The following SYNJ2 variants were observed in gnomAD, a reference collection of about 807,000 sequenced individuals.
The protein encoded by SYNJ2 is synaptojanin 2.
A neutral mutation model predicts 141.3 loss-of-function variants in SYNJ2; 116 were observed. The observed-to-expected ratio is 0.82, with a 90% CI of 0.71 to 0.96. The LOEUF is 0.96. Among genes scored for constraint, SYNJ2 ranks in the 40% least tolerant of loss-of-function variants. The pLI, the probability that SYNJ2 is intolerant of heterozygous loss-of-function variation, is 0.00. For synonymous variants in SYNJ2, 745 were observed against 777.7 expected (o/e 0.96, Z 0.70); for missense variants, 1,873 against 1,934.8 (o/e 0.97, Z 0.60).
chr6:158,093,444 A>C (rs1983872), intron 26 of SYNJ2, among the ~76,000 whole-genome samples: 78,730 of 149,772 alleles, frequency 0.53, 21,027 homozygotes, highest in African/African-American at 0.6. Flanking sequence ...TCAAAAAAAA[A>C]AAAAACAAAA....
rs776559046 is a variant in SYNJ2, at chr6:158,086,989, A to G, written c.3343A>G (p.Thr1115Ala). Residue 1115 changes from threonine to alanine, a missense_variant and splice_region_variant, in exon 23 of 27, where the codon ACC (threonine) becomes GCC (alanine). Transcript: ENST00000355585. Reference sequence around the variant, plus strand: ...ACCCCCGCAGAGACCCCCCCCTCCAAGTAAGACTCTGCTTGCTTTCAGCTC... The same window carrying G: ...ACCCCCGCAGAGACCCCCCCCTCCAGGTAAGACTCTGCTTGCTTTCAGCTC... The part of the protein sequence containing the change: ...PQPPQRPPPP[T>A]GLMVKKSASD... 8.4e-7 allele frequency: 1 copy of G among 1,187,772 alleles called. No individual in the cohort carries two copies. Among genetic ancestry groups the G allele is most frequent in the Non-Finnish European group, 1.1e-6 (1 of 873,646 alleles). 73.6% of individuals were successfully genotyped at this position (1,187,772 alleles called of 1,614,324 possible).
At chr6:158,025,449 G>A (rs1035456060) in intron 2 of SYNJ2, among the ~76,000 whole-genome samples, 13 of 151,770 alleles carry the variant, frequency 8.6e-5, no homozygotes, top group Non-Finnish European at 1.6e-4. Flanking sequence ...GCTGAGGCAG[G>A]TGAATCACCT....
intron 1 of SYNJ2, among the ~76,000 whole-genome samples, chr6:157,993,819 T>G (rs1160409894): frequency 3.4e-5 from 4 of 119,292 alleles, no homozygotes; most frequent in African/African-American, 1.2e-4. Context: ...TTTTTTTTTT[T>G]TTTTTTTTTT....
At chr6:158,015,266 T>C (rs1047257422) in intron 1 of SYNJ2, among the ~76,000 whole-genome samples, 3 of 152,188 alleles carry the variant, frequency 2.0e-5, no homozygotes, top group Non-Finnish European at 4.4e-5. Flanking sequence ...TGGTTGAAAT[T>C]CCTTAACTGT....
chr6:158,067,004 T>TTTTTG (rs939269956), intron 12 of SYNJ2, among the ~76,000 whole-genome samples: 1 of 152,114 alleles, frequency 6.6e-6, no homozygotes, highest in African/African-American at 2.4e-5. Context: ...TTGTTTTTGT[T>TTTTTG]TTTTGTTTTG....
intron 18 of SYNJ2, among the ~76,000 whole-genome samples, chr6:158,080,481 A>G (rs780557864): frequency 6.1e-4 from 19 of 30,982 alleles, no homozygotes; most frequent in Non-Finnish European, 1.2e-3. Flanking sequence ...ACTCAAAATA[A>G]AAAAAAAAAA....
At chr6:158,010,101 G>A (rs527403274) in intron 1 of SYNJ2, among the ~76,000 whole-genome samples, 1 of 152,056 alleles carries the variant, frequency 6.6e-6, no homozygotes, top group Non-Finnish European at 1.5e-5. Flanking sequence ...AAGAATTTTT[G>A]TAGGGATGGA....
chr6:158,018,151 C>T (rs1392680441), intron 2 of SYNJ2, among the ~76,000 whole-genome samples: 2 of 152,092 alleles, frequency 1.3e-5, no homozygotes, highest in Admixed American at 6.5e-5. Context: ...TCCAGGAAGA[C>T]GTGGGCATCT....
chr6:157,998,550 GT>G (rs942429388), intron 1 of SYNJ2, among the ~76,000 whole-genome samples: 1 of 152,178 alleles, frequency 6.6e-6, no homozygotes, highest in African/African-American at 2.4e-5. Context: ...TGCTAAGCCT[GT>G]GACCAAAACT....
intron 17 of SYNJ2, among the ~76,000 whole-genome samples, chr6:158,077,240 C>T (rs371374217): frequency 3.1e-4 from 47 of 152,260 alleles, no homozygotes; most frequent in African/African-American, 1.1e-3. Flanking sequence ...GTGATCTGCC[C>T]ACCTCGGCCT....
At position 158,027,185 on chromosome 6, in the gene SYNJ2, AG is replaced by A; in HGVS notation, c.215-1568del. The A allele has an allele frequency of 6.1e-6, 6 of 985,168 alleles. No homozygotes were observed. The highest frequency in any genetic ancestry group is 7.2e-6 in the Non-Finnish European group (6 of 829,860). The allele number at this position is 985,168 out of a possible 1,614,324, so 61.0% of individuals were successfully genotyped here. On this transcript the variant is annotated intron_variant, in intron 2 of 26. Coordinates refer to ENST00000355585, the MANE Select transcript of SYNJ2 (RefSeq NM_003898.4). This position sits in a 1 kb window ranked among gnomAD's most constrained non-coding sequence, Gnocchi z 4.6. ...AGTGTGGTGAGGAAATTGGGGTGAG[AG>A]GGTGGTGGAACTGGTTGTTTTGGGG...
At chr6:158,091,937 G>A (rs1297875916) in intron 25 of SYNJ2, among the ~76,000 whole-genome samples, 1 of 152,140 alleles carries the variant, frequency 6.6e-6, no homozygotes, top group East Asian at 1.9e-4. Flanking sequence ...GGGACTGGAA[G>A]GAGGCCTGGG....
At chr6:158,060,824 A>T (rs1781175660) in intron 7 of SYNJ2, among the ~76,000 whole-genome samples, 1 of 152,120 alleles carries the variant, frequency 6.6e-6, no homozygotes, top group South Asian at 2.1e-4. Flanking sequence ...AGGGCGGGAG[A>T]TGGCAGCCAC....
rs746897372 is a variant in SYNJ2, at chr6:158,029,014, A to C, written c.473A>C (p.Asn158Thr). Residue 158 changes from asparagine (N) to threonine (T), a missense_variant, in exon 3 of 27, where the codon AAC becomes ACC. Coordinates refer to ENST00000355585, the MANE Select transcript of SYNJ2 (RefSeq NM_003898.4). Reference sequence around the variant, plus strand: ...GGGGATGACAGCTCTGAATGGGGGAACTCCTTCTTCTGGTGAGGCCCTGGG... The same window carrying C: ...GGGGATGACAGCTCTGAATGGGGGACCTCCTTCTTCTGGTGAGGCCCTGGG... ...KQGDDSSEWG[N>T]SFFWNQLLHV... 7.0e-7 allele frequency: 1 copy of C among 1,431,296 alleles called. No homozygotes were observed. Among genetic ancestry groups the C allele is most frequent in the African/African-American group, 2.5e-5 (1 of 39,746 alleles). 88.7% of individuals were successfully genotyped at this position (1,431,296 alleles called of 1,614,324 possible). A position where few individuals can be genotyped will look rare whatever the true frequency, so the allele number is the denominator to read the frequency against.
At chr6:158,091,328 A>C (rs2128400181) in intron 25 of SYNJ2, among the ~76,000 whole-genome samples, 1 of 151,954 alleles carries the variant, frequency 6.6e-6, no homozygotes, top group East Asian at 1.9e-4. Context: ...AAAAAGAAAA[A>C]AGAAAGAAAG....
chr6:157,994,543 G>C (rs958710677), intron 1 of SYNJ2, among the ~76,000 whole-genome samples: 2 of 152,206 alleles, frequency 1.3e-5, no homozygotes, highest in Non-Finnish European at 2.9e-5. Flanking sequence ...CTTTTCACCT[G>C]GACCACCTGG....
In SYNJ2 at chr6:158,031,639, A is replaced by T. The variant is rs571292340; in HGVS notation, c.486-1816A>T. Among the ~76,000 whole-genome samples the T allele has an allele frequency of 7.9e-5, 12 of 152,352 alleles. No homozygotes were observed. The East Asian group carries it at 2.3e-3, about 29-fold the overall frequency. On this transcript the variant is annotated intron_variant, in intron 3 of 26. Transcript: ENST00000355585. ...CGCAGCGTGAGGTCTGGAGACCCAC[A>T]GCAGGAGTCAGATGGGGTCAACGCT...
intron 2 of SYNJ2, 39 bp from the exon 3 acceptor site, chr6:158,028,717 A>T (rs748633451): frequency 1.9e-5 from 30 of 1,600,292 alleles, no homozygotes; most frequent in Non-Finnish European, 2.6e-5. Context: ...GGCCGGGCCG[A>T]CTTCGACCCT....
chr6:158,062,990 A>G (rs1467886666), intron 8 of SYNJ2, among the ~76,000 whole-genome samples: 1 of 152,168 alleles, frequency 6.6e-6, no homozygotes, highest in Non-Finnish European at 1.5e-5. Context: ...CTTTGTCCCT[A>G]TATGAGCTAC....
Sources: gnomAD v4.1 joint callset for allele counts (sites outside exome capture counted in the v4.1 genomes callset) on GRCh38, gnomAD v4.1.1 for gene constraint, Gnocchi (gnomAD v3.1) non-coding constraint, MANE v1.5 for transcripts, NCBI Gene and HGNC (gene_info 2026-07-23, HGNC 2026-07-21) for gene names.